The following FYB1 variants were observed in gnomAD, a reference collection of about 807,000 sequenced individuals.
The protein encoded by FYB1 is FYN binding protein 1.
In FYB1, 41 loss-of-function variants were observed where a neutral mutation model predicts 94.1. The observed-to-expected ratio is 0.44, with a 90% CI of 0.34 to 0.57. The LOEUF (loss-of-function observed/expected upper bound fraction) is 0.57. Ranked by LOEUF, FYB1 falls within the 20% of genes least tolerant of loss-of-function variation. The pLI, the probability that FYB1 is intolerant of heterozygous loss-of-function variation, is 0.02. For missense variants in FYB1, 1,050 were observed against 976.8 expected (o/e 1.07, Z -1.00); for synonymous variants, 367 against 353.2 (o/e 1.04, Z -0.44).
intron 1 of FYB1, among the ~76,000 whole-genome samples, chr5:39,247,093 TATA>T (rs1180415446): frequency 7.2e-6 from 1 of 138,752 alleles, no homozygotes; most frequent in Non-Finnish European, 1.6e-5. Flanking sequence ...TATATATATA[TATA>T]TATATATATA....
chr5:39,214,884 G>A (rs1397603876), intron 1 of FYB1, among the ~76,000 whole-genome samples: 1 of 152,116 alleles, frequency 6.6e-6, no homozygotes, highest in Non-Finnish European at 1.5e-5. Context: ...AGCCAAGATC[G>A]CACCACTGCA....
intron 2 of FYB1, among the ~76,000 whole-genome samples, chr5:39,156,445 C>A (rs182280546): frequency 1.3e-5 from 2 of 152,252 alleles, no homozygotes; most frequent in African/African-American, 2.4e-5. Context: ...CAGAGGGAAG[C>A]AGGGCAAGAG....
In FYB1 at chr5:39,210,832, G is replaced by C. The variant is rs542943300; in HGVS notation, c.-27-7845C>G. Among the ~76,000 whole-genome samples the C allele has an allele frequency of 1.8e-3, 273 of 152,250 alleles. 4 individuals are homozygous for C. Among genetic ancestry groups the C allele is most frequent in the South Asian group, 0.013 (64 of 4,820 alleles). Reference sequence around the variant, plus strand: ...TTGAGTTCATCCTAAGCAACGTGGCGAGAGCCTGTCTCTAGTATAAATACA... The same window carrying C: ...TTGAGTTCATCCTAAGCAACGTGGCCAGAGCCTGTCTCTAGTATAAATACA... On this transcript the variant is annotated intron_variant, in intron 1 of 18. Transcript: ENST00000512982.
intron 1 of FYB1, among the ~76,000 whole-genome samples, chr5:39,225,879 T>C (rs1750450564): frequency 6.6e-6 from 1 of 152,198 alleles, no homozygotes; most frequent in South Asian, 2.1e-4. Flanking sequence ...TGTTCACCAG[T>C]GGTTGGTTCC....
chr5:39,228,137 G>A (rs963523187), intron 1 of FYB1, among the ~76,000 whole-genome samples: 1 of 152,088 alleles, frequency 6.6e-6, no homozygotes, highest in African/African-American at 2.4e-5. Flanking sequence ...CTAGGATCTG[G>A]GGTCCTGGCC....
intron 3 of FYB1, among the ~76,000 whole-genome samples, chr5:39,148,381 GTTT>G (rs538508812): frequency 1.0e-4 from 4 of 38,172 alleles, no homozygotes; most frequent in African/African-American, 3.0e-4. Flanking sequence ...TTATCAGCAG[GTTT>G]TTTTTTTTTT....
chr5:39,191,914 G>T (rs1366915972), intron 2 of FYB1, among the ~76,000 whole-genome samples: 2 of 152,172 alleles, frequency 1.3e-5, no homozygotes, highest in Non-Finnish European at 2.9e-5. Flanking sequence ...TTTTGTTAAA[G>T]AAGTCAATTT....
chr5:39,156,835 T>C (rs1743805941), intron 2 of FYB1, among the ~76,000 whole-genome samples: 2 of 152,140 alleles, frequency 1.3e-5, no homozygotes, highest in Non-Finnish European at 2.9e-5. Context: ...AAAATATAAT[T>C]AGAAATATTA....
At chr5:39,264,130 C>T (rs767180134) in intron 1 of FYB1, among the ~76,000 whole-genome samples, 2 of 152,206 alleles carry the variant, frequency 1.3e-5, no homozygotes, top group Non-Finnish European at 2.9e-5. Flanking sequence ...TGGACACATG[C>T]AGTTCAATCC....
At chr5:39,108,405 A>C in intron 17 of FYB1, 143 bp from the exon 18 acceptor site, 1 of 694,342 alleles carries the variant, frequency 1.4e-6, no homozygotes, top group Non-Finnish European at 2.2e-6. Context: ...AAGTAGAAAT[A>C]AATTTGATAT....
intron 1 of FYB1, among the ~76,000 whole-genome samples, chr5:39,228,272 A>G (rs1457642815): frequency 6.6e-6 from 1 of 152,218 alleles, no homozygotes; most frequent in Admixed American, 6.5e-5. Context: ...GGCCTGAGGA[A>G]CAATTATGAC....
At chr5:39,248,635 G>A (rs140613238) in intron 1 of FYB1, among the ~76,000 whole-genome samples, 1,579 of 152,234 alleles carry the variant, frequency 0.01, 29 homozygotes, top group African/African-American at 0.036. Flanking sequence ...TCAGGAGTTC[G>A]AGACCAGCCT....
At chr5:39,189,877 A>G (rs749559305) in intron 2 of FYB1, among the ~76,000 whole-genome samples, 2 of 152,220 alleles carry the variant, frequency 1.3e-5, no homozygotes, top group African/African-American at 4.8e-5. Context: ...TGTTTAGGTT[A>G]TTGCAGTATA....
intron 2 of FYB1, among the ~76,000 whole-genome samples, chr5:39,166,258 G>A (rs188368404): frequency 1.3e-5 from 2 of 152,182 alleles, no homozygotes; most frequent in Admixed American, 1.3e-4. Flanking sequence ...CCAACATGGT[G>A]AAACCCCTTC....
At chr5:39,209,900 G>T (rs191047163) in intron 1 of FYB1, among the ~76,000 whole-genome samples, 1 of 152,228 alleles carries the variant, frequency 6.6e-6, no homozygotes, top group African/African-American at 2.4e-5. Flanking sequence ...TTGACCTGCA[G>T]TTGTGATTTA....
chr5:39,240,144 C>G (rs1751140604), intron 1 of FYB1, among the ~76,000 whole-genome samples: 1 of 152,098 alleles, frequency 6.6e-6, no homozygotes, highest in Admixed American at 6.6e-5. Context: ...AAGCTGAACC[C>G]CTCCTGATAC....
intron 3 of FYB1, among the ~76,000 whole-genome samples, chr5:39,152,196 A>G (rs1743307377): frequency 6.6e-6 from 1 of 152,230 alleles, no homozygotes; most frequent in Non-Finnish European, 1.5e-5. Flanking sequence ...ATAAATGCAC[A>G]ACGCAGGTCA....
At chr5:39,222,294 C>T (rs1051677016), upstream of FYB1, among the ~76,000 whole-genome samples, 1 of 152,096 alleles carries the variant, frequency 6.6e-6, no homozygotes, top group South Asian at 2.1e-4. Flanking sequence ...TAAGGGTTGG[C>T]GGTAACTGTG....
intron 2 of FYB1, among the ~76,000 whole-genome samples, chr5:39,165,407 T>TA (rs1561200013): frequency 1.3e-5 from 2 of 151,454 alleles, no homozygotes; most frequent in East Asian, 3.9e-4. Context: ...CTCTATTCAA[T>TA]AAATGGTGCT....
Sources: allele counts gnomAD v4.1 joint callset (sites outside exome capture counted in the v4.1 genomes callset), GRCh38; gene constraint gnomAD v4.1.1; transcripts MANE v1.5; gene names NCBI Gene and HGNC (gene_info 2026-07-23, HGNC 2026-07-21).